ACP2: variants seen among roughly 807,000 people sequenced by gnomAD.
ACP2 encodes the protein lysosomal acid phosphatase.
Under a neutral mutation model 54.7 loss-of-function variants are expected in ACP2, and 35 were observed. The observed-to-expected ratio is 0.64, with a 90% CI of 0.49 to 0.85. The LOEUF (loss-of-function observed/expected upper bound fraction) is 0.85, where lower values mean the gene tolerates loss of function less well. ACP2 is among the 40% of genes least tolerant of loss of function. The pLI, the probability that ACP2 is intolerant of heterozygous loss-of-function variation, is 0.00. For synonymous variants in ACP2, 210 were observed against 224.4 expected (o/e 0.94, Z 0.57); for missense variants, 492 against 565.0 (o/e 0.87, Z 1.31).
chr11:47,247,389 A>G, intron 3 of ACP2: 1 of 568,296 alleles, frequency 1.8e-6, no homozygotes, highest in East Asian at 3.0e-5. Flanking sequence ...TCACAGTCAG[A>G]AACCACTTTG....
Position 47,244,864 on chromosome 11 carries a change from T to C in ACP2, c.643A>G (p.Thr215Ala). Residue 215 changes from threonine to alanine, a missense_variant, in exon 7 of 11, where the codon ACG (threonine) becomes GCG (alanine). Coordinates refer to ENST00000672073, the MANE Select transcript of ACP2 (RefSeq NM_001610.4). ...NVYDTLFCEQ[T>A]HGLRLPPWAS... Reference sequence around the variant, plus strand: ...CAGGGCGGCAGGCGCAGCCCGTGCGTTTGCTGTGTATCGCAGCAGGCAGGT... The same window carrying C: ...CAGGGCGGCAGGCGCAGCCCGTGCGCTTGCTGTGTATCGCAGCAGGCAGGT... 6.2e-7 allele frequency: 1 copy of C among 1,604,510 alleles called. No homozygotes were observed. The highest frequency in any genetic ancestry group is 1.1e-5 in the South Asian group (1 of 90,616).
chr11:47,245,359 A>C lies in ACP2; in HGVS notation c.585T>G (p.Leu195=). The C allele has an allele frequency of 6.2e-7, 1 of 1,614,108 alleles. No homozygotes were observed. Among genetic ancestry groups the C allele is most frequent in the Non-Finnish European group, 8.5e-7 (1 of 1,180,028 alleles). ...FLDMVANETG[L]TDLTLETVWN... is the part of the protein sequence containing the mutation. ...AGACGGTCTCCAGTGTCAGGTCTGT[A>C]AGCCCTGTCTCGTTGGCCACCATGT... Residue 195 remains leucine (L), a synonymous_variant, in exon 6 of 11, where the codon CTT becomes CTG. Transcript: ENST00000672073.
At chr11:47,243,793 C>T (rs970356402) in intron 7 of ACP2, among the ~76,000 whole-genome samples, 6 of 152,106 alleles carry the variant, frequency 3.9e-5, no homozygotes, top group African/African-American at 1.4e-4. Context: ...CTTGGGGCAG[C>T]TATTCATTTA....
rs769826672 is a variant in ACP2 at position 47,248,746 on chromosome 11, TGGA to T, written c.41_43del (p.Leu14del). On this transcript the variant is annotated inframe_deletion, in exon 1 of 11. Coordinates refer to ENST00000672073, the MANE Select transcript of ACP2 (RefSeq NM_001610.4). The stretch of plus-strand genomic sequence containing the variant: ...CACCAGGTTCACGCCGAGAAGGAGC[TGGA>T]GGAGAGCCGCCCGGCTCCAGCCGGA... The T allele has an allele frequency of 3.1e-6, 5 of 1,608,868 alleles. No homozygotes were observed. Among genetic ancestry groups the T allele is most frequent in the Non-Finnish European group, 4.2e-6 (5 of 1,177,976 alleles).
intron 1 of ACP2, 199 bp from the exon 2 acceptor site, chr11:47,248,332 A>G (rs1238049695): frequency 9.0e-7 from 1 of 1,114,784 alleles, no homozygotes; most frequent in African/African-American, 1.6e-5. Context: ...GCTACTGGAG[A>G]CCATAGGCAA....
chr11:47,245,645 C>T, intron 4 of ACP2, 37 bp downstream of exon 4: 6 of 1,613,560 alleles, frequency 3.7e-6, no homozygotes, highest in Non-Finnish European at 8.5e-7. Flanking sequence ...CCAGAGCTGT[C>T]CCCTCACCAC....
At chr11:47,242,155 A>G (rs1591011054) in intron 10 of ACP2, among the ~76,000 whole-genome samples, 1 of 152,278 alleles carries the variant, frequency 6.6e-6, no homozygotes, top group Non-Finnish European at 1.5e-5. Context: ...GCTAAGAATT[A>G]GTCACTGGCT....
At position 47,240,003 on chromosome 11, in the gene ACP2, G is replaced by A; in HGVS notation, c.*113C>T. 2 of 1,231,972 alleles carry A rather than the reference G, an allele frequency of 1.6e-6. No individual in the cohort carries two copies. Among genetic ancestry groups the A allele is most frequent in the East Asian group, 2.4e-5 (1 of 42,178 alleles). 76.3% of individuals were successfully genotyped at this position (1,231,972 alleles called of 1,614,324 possible). ...CTCGCTCATCTGGCTGGGGTCATCA[G>A]AGGGAGGCCCAACCCAGGATCTCCT... is the stretch of plus-strand genomic sequence containing the variant. On this transcript the variant is annotated 3_prime_UTR_variant, in exon 11 of 11. Coordinates refer to ENST00000672073, the MANE Select transcript of ACP2 (RefSeq NM_001610.4).
At position 47,245,705 on chromosome 11, in the gene ACP2, T is replaced by C. The variant is rs759247125; in HGVS notation, c.427A>G (p.Thr143Ala). Residue 143 changes from threonine to alanine, a missense_variant, in exon 4 of 11, where the codon ACT (threonine) becomes GCT (alanine). Transcript: ENST00000672073. Reference protein sequence around the residue: ...NISWQPIPVHTVPITEDRLLK... With the variant: ...NISWQPIPVHAVPITEDRLLK... ...ACCCTGTCCTCAGTGATGGGCACAG[T>C]GTGCACAGGAATAGGCTGCCACGAG... is the stretch of plus-strand genomic sequence containing the variant. 6.2e-7 allele frequency: 1 copy of C among 1,613,606 alleles called. No individual in the cohort carries two copies. Among genetic ancestry groups the C allele is most frequent in the Non-Finnish European group, 8.5e-7 (1 of 1,179,626 alleles).
chr11:47,248,385 C>T (rs7118396), intron 1 of ACP2: 284,204 of 1,472,246 alleles, frequency 0.19, 35,675 homozygotes, highest in East Asian at 0.65. Flanking sequence ...GTGAAAGCAA[C>T]GTATGTGGTG....
chr11:47,241,660 A>G (rs1454922250), intron 10 of ACP2, among the ~76,000 whole-genome samples: 1 of 152,208 alleles, frequency 6.6e-6, no homozygotes, highest in Non-Finnish European at 1.5e-5. Context: ...ACATATTAAT[A>G]TTTGAAAGGT....
intron 10 of ACP2, 39 bp downstream of exon 10, chr11:47,242,683 GT>G: frequency 6.3e-7 from 1 of 1,591,524 alleles, no homozygotes; most frequent in Non-Finnish European, 8.6e-7. Flanking sequence ...CTGCAGGCTG[GT>G]CTAGGGCATG....
intron 7 of ACP2, 148 bp from the exon 8 acceptor site, chr11:47,243,469 T>A: frequency 1.6e-6 from 1 of 628,914 alleles, no homozygotes; most frequent in South Asian, 2.0e-5. Context: ...ATGTAAGAAC[T>A]CTGTGGCACC....
At chr11:47,248,462 T>A in intron 1 of ACP2, 2 of 1,546,430 alleles carry the variant, frequency 1.3e-6, no homozygotes, top group South Asian at 2.4e-5. Flanking sequence ...TTCAACCACT[T>A]CCCTGTCTCA....
rs533929632 is a variant in ACP2 at position 47,239,980 on chromosome 11, C to T, written c.*136G>A. The stretch of plus-strand genomic sequence containing the variant: ...ACCATGGGCCACGCTGAGCCCCACT[C>T]GCTCATCTGGCTGGGGTCATCAGAG... On this transcript the variant is annotated 3_prime_UTR_variant, in exon 11 of 11. Transcript: ENST00000672073. 43 of 884,262 alleles carry T rather than the reference C, an allele frequency of 4.9e-5. No individual in the cohort carries two copies. Among genetic ancestry groups the T allele is most frequent in the South Asian group, 3.8e-4 (22 of 58,634 alleles). The allele number at this position is 884,262 out of a possible 1,614,324, so 54.8% of individuals were successfully genotyped here.
chr11:47,243,367 C>A, intron 7 of ACP2, 46 bp from the exon 8 acceptor site: 1 of 1,537,564 alleles, frequency 6.5e-7, no homozygotes, highest in Admixed American at 1.7e-5. Context: ...GCCACCTCTG[C>A]CTTCTAATTA....
chr11:47,246,630 C>G (rs1220119240), intron 3 of ACP2, among the ~76,000 whole-genome samples: 1 of 151,974 alleles, frequency 6.6e-6, no homozygotes, highest in African/African-American at 2.4e-5. Flanking sequence ...AATCCCAGCA[C>G]TTTAGGAGGC....
In ACP2 at chr11:47,242,829, G is replaced by A. The variant is rs1187638315; in HGVS notation, c.1032C>T (p.Gly344=). 7 of 1,614,050 alleles carry A rather than the reference G, an allele frequency of 4.3e-6. No individual in the cohort carries two copies. The highest frequency in any genetic ancestry group is 8.5e-7 in the Non-Finnish European group (1 of 1,179,976). ...DKAPWPLSLP[G]CPHRCPLQDF... is the part of the protein sequence containing the mutation. ...CCTGCAGTGGGCAGCGGTGAGGGCA[G>A]CCAGGCAGGCTGAGCGGCCAGGGGG... Residue 344 remains glycine, a synonymous_variant, in exon 10 of 11, where the codon GGC becomes GGT. Transcript: ENST00000672073.
Position 47,247,668 on chromosome 11 carries a change from G to A in ACP2, c.270C>T (p.Phe90=), listed in dbSNP as rs1190780215. 1 of 1,614,214 alleles carries A rather than the reference G, an allele frequency of 6.2e-7. No homozygotes were observed. The highest frequency in any genetic ancestry group is 1.7e-5 in the Admixed American group (1 of 60,030). Residue 90 remains phenylalanine (F), a synonymous_variant, in exon 3 of 11, where the codon TTC becomes TTT. Transcript: ENST00000672073. The part of the protein sequence containing the change: ...GQALRQRYHG[F]LNTSYHRQEV... ...CTTGCCGGTGATAAGAGGTGTTTAG[G>A]AAGCCGTGATAGCGCTGCCGCAGGG... is the stretch of plus-strand genomic sequence containing the variant.
Sources: gnomAD v4.1 joint callset for allele counts (sites outside exome capture counted in the v4.1 genomes callset) on GRCh38, gnomAD v4.1.1 for gene constraint, MANE v1.5 for transcripts, NCBI Gene and HGNC (gene_info 2026-07-23, HGNC 2026-07-21) for gene names.